USP37: variants seen among roughly 807,000 people sequenced by gnomAD.
The protein encoded by USP37 is ubiquitin specific peptidase 37.
A neutral mutation model predicts 124.0 loss-of-function variants in USP37; 27 were observed. That is an observed-to-expected ratio of 0.22 (90% CI 0.16 to 0.30). The LOEUF (loss-of-function observed/expected upper bound fraction) is 0.30. Among genes scored for constraint, USP37 ranks in the 10% least tolerant of loss-of-function variants. USP37 has a pLI of 1.00. For synonymous variants in USP37, 365 were observed against 388.0 expected (o/e 0.94, Z 0.70); for missense variants, 889 against 1,140.4 (o/e 0.78, Z 3.17).
At position 218,463,303 on chromosome 2, in the gene USP37, C is replaced by T. The variant is rs777449496; in HGVS notation, c.2527+3G>A. ...AAAAATGTAATTAAAAAGATCTCCA[C>T]ACCTTGAAGACTTAACTCGGTAGCT... On this transcript the variant is annotated splice_donor_region_variant and intron_variant, in intron 22 of 25. Coordinates refer to ENST00000258399, the MANE Select transcript of USP37 (RefSeq NM_020935.3). 2 of 1,613,564 alleles carry T rather than the reference C, an allele frequency of 1.2e-6. No homozygotes were observed. The highest frequency in any genetic ancestry group is 2.7e-5 in the African/African-American group (2 of 74,886).
In USP37 at chr2:218,451,619, C is replaced by A. The variant is rs1239080914; in HGVS notation, c.*3311G>T. On this transcript the variant is annotated 3_prime_UTR_variant, in exon 26 of 26. Coordinates refer to ENST00000258399, the MANE Select transcript of USP37 (RefSeq NM_020935.3). ...GTATAGTTACATAATGGTAACTACA[C>A]ACGATACAGAAGAATCAGTAAATTC... 2 of 151,832 alleles carry A rather than the reference C, an allele frequency of 1.3e-5. No individual in the cohort carries two copies. The highest frequency in any genetic ancestry group is 4.8e-5 in the African/African-American group (2 of 41,342). The allele number at this position is 151,832 out of a possible 1,614,324, so 9.4% of individuals were successfully genotyped here. A position where few individuals can be genotyped will look rare whatever the true frequency, so the allele number is the denominator to read the frequency against.
chr2:218,544,422 TATATATATAGAGAG>T (rs1234774725), intron 8 of USP37, among the ~76,000 whole-genome samples: 710 of 56,274 alleles, frequency 0.013, 4 homozygotes, highest in Non-Finnish European at 0.017. Flanking sequence ...TATATATATA[TATATATATAGAGAG>T]AGAGAGAGAG....
intron 25 of USP37, 47 bp from the exon 26 acceptor site, chr2:218,455,064 G>T: frequency 6.2e-7 from 1 of 1,606,134 alleles, no homozygotes; most frequent in South Asian, 1.1e-5. Flanking sequence ...TTAGTAAGCA[G>T]AACCAAAGAA....
intron 10 of USP37, among the ~76,000 whole-genome samples, chr2:218,511,545 G>T (rs1689998114): frequency 6.6e-6 from 1 of 151,934 alleles, no homozygotes; most frequent in Non-Finnish European, 1.5e-5. Flanking sequence ...CCTGACCTCA[G>T]GTGACCTGCC....
chr2:218,525,969 T>C (rs1690934744), intron 10 of USP37, among the ~76,000 whole-genome samples: 1 of 152,194 alleles, frequency 6.6e-6, no homozygotes, highest in Non-Finnish European at 1.5e-5. Context: ...GTTAGTTGGT[T>C]AAGGATAATG....
intron 15 of USP37, among the ~76,000 whole-genome samples, chr2:218,487,448 G>A (rs1000225484): frequency 6.6e-6 from 1 of 151,510 alleles, no homozygotes; most frequent in Admixed American, 6.6e-5. Flanking sequence ...TTGAGACGGA[G>A]TCTCGTTCTG....
intron 1 of USP37, among the ~76,000 whole-genome samples, chr2:218,563,498 T>C (rs1427721317): frequency 2.0e-5 from 3 of 152,242 alleles, no homozygotes; most frequent in African/African-American, 7.2e-5. Context: ...CATAACATGT[T>C]GATACTATTT....
chr2:218,511,790 T>C (rs1294596515), intron 10 of USP37, among the ~76,000 whole-genome samples: 1 of 60,884 alleles, frequency 1.6e-5, no homozygotes, highest in Non-Finnish European at 3.0e-5. Flanking sequence ...ATTTATCAAT[T>C]TTTTCTTTTC....
chr2:218,484,173 CACA>C (rs1250583243), intron 16 of USP37, among the ~76,000 whole-genome samples: 1 of 151,934 alleles, frequency 6.6e-6, no homozygotes, highest in African/African-American at 2.4e-5. Flanking sequence ...AAACAAAAAA[CACA>C]ACATTTTTTG....
At chr2:218,551,419 T>C (rs1692659198) in intron 5 of USP37, among the ~76,000 whole-genome samples, 1 of 152,226 alleles carries the variant, frequency 6.6e-6, no homozygotes, top group African/African-American at 2.4e-5. Context: ...TACTTTTACA[T>C]TTACGAGCTC....
chr2:218,472,687 ACCT>A (rs1690760427), intron 20 of USP37, among the ~76,000 whole-genome samples: 2 of 150,862 alleles, frequency 1.3e-5, no homozygotes, highest in East Asian at 2.0e-4. Flanking sequence ...GTTGGTCTTG[ACCT>A]CCTGATCTCA....
At chr2:218,508,283 T>C (rs1357659869) in intron 11 of USP37, among the ~76,000 whole-genome samples, 2 of 152,070 alleles carry the variant, frequency 1.3e-5, no homozygotes, top group Non-Finnish European at 2.9e-5. Flanking sequence ...TTTTCTTTTT[T>C]TTTTTTAAAA....
intron 11 of USP37, among the ~76,000 whole-genome samples, chr2:218,500,277 T>A (rs1574889750): frequency 2.0e-5 from 3 of 151,520 alleles, no homozygotes; most frequent in Non-Finnish European, 4.4e-5. Context: ...TTATTTATTT[T>A]GAGACGGAGC....
rs1452271295 is a variant in USP37, at chr2:218,451,747, G to A, written c.*3183C>T. 1 of 152,410 alleles carries A rather than the reference G, an allele frequency of 6.6e-6. No individual in the cohort carries two copies. Among genetic ancestry groups the A allele is most frequent in the Non-Finnish European group, 1.5e-5 (1 of 68,004 alleles). 9.4% of individuals were successfully genotyped at this position (152,410 alleles called of 1,614,324 possible). A position where few individuals can be genotyped will look rare whatever the true frequency, so the allele number is the denominator to read the frequency against. ...TGTGTAGTCTAACATTTGCTTTCTG[G>A]AGTTAATTAACTGATCTGTAAGAAC... On this transcript the variant is annotated 3_prime_UTR_variant, in exon 26 of 26. Coordinates refer to ENST00000258399, the MANE Select transcript of USP37 (RefSeq NM_020935.3).
intron 22 of USP37, 121 bp downstream of exon 22, chr2:218,463,175 AACACACACAC>A (rs3835979): frequency 0.074 from 38,739 of 526,050 alleles, 533 homozygotes; most frequent in East Asian, 0.14. Flanking sequence ...CCCCACAATA[AACACACACAC>A]ACACACACAC....
intron 25 of USP37, among the ~76,000 whole-genome samples, 173 bp downstream of exon 25, chr2:218,455,407 T>C (rs905252805): frequency 6.6e-6 from 1 of 151,902 alleles, no homozygotes; most frequent in Admixed American, 6.6e-5. Flanking sequence ...AGAGAAAATA[T>C]TCTGGACTTA....
chr2:218,454,632 CTGTG>C lies in USP37; in HGVS notation c.*294_*297del, dbSNP rs1177895377. ...TCATCCCGTGTGTGTGTGTGTGTGT[CTGTG>C]TGTGTGTATACACACATACACAGAT... On this transcript the variant is annotated 3_prime_UTR_variant, in exon 26 of 26. Transcript: ENST00000258399. The C allele has an allele frequency of 1.1e-5, 3 of 269,158 alleles. No individual in the cohort carries two copies. Among genetic ancestry groups the C allele is most frequent in the Non-Finnish European group, 2.0e-5 (3 of 146,396 alleles). The allele number at this position is 269,158 out of a possible 1,614,324, so 16.7% of individuals were successfully genotyped here.
At chr2:218,537,182 G>A (rs1385728921) in intron 8 of USP37, among the ~76,000 whole-genome samples, 1 of 152,168 alleles carries the variant, frequency 6.6e-6, no homozygotes, top group African/African-American at 2.4e-5. Flanking sequence ...CTATATTCAA[G>A]CTTCTAATCA....
chr2:218,524,364 T>G (rs574990852), intron 10 of USP37, among the ~76,000 whole-genome samples: 1 of 152,174 alleles, frequency 6.6e-6, no homozygotes, highest in Non-Finnish European at 1.5e-5. Flanking sequence ...CCTCCCAAAG[T>G]GCTGAGATTA....
Sources: gnomAD v4.1 joint callset for allele counts (sites outside exome capture counted in the v4.1 genomes callset) on GRCh38, gnomAD v4.1.1 for gene constraint, MANE v1.5 for transcripts, NCBI Gene and HGNC (gene_info 2026-07-23, HGNC 2026-07-21) for gene names.